The following PCDH7 variants were observed in gnomAD, a reference collection of about 807,000 sequenced individuals.
PCDH7 encodes protocadherin 7.
A neutral mutation model predicts 58.9 loss-of-function variants in PCDH7; 17 were observed. That is an observed-to-expected ratio of 0.29 (90% confidence interval 0.20 to 0.43). PCDH7 has a LOEUF of 0.43. PCDH7 is among the 20% of genes least tolerant of loss of function. The pLI is 1.00. For missense variants in PCDH7, 1,274 were observed against 1,441.0 expected, an observed-to-expected ratio of 0.88 and a Z score of 1.88; for synonymous variants, 664 against 616.4, an observed-to-expected ratio of 1.08 and a Z score of -1.14.
chr4:31,142,635 G>A (rs1720403587), exon 4 of PCDH7: 2 of 1,367,652 alleles, frequency 1.5e-6, no homozygotes, highest in Non-Finnish European at 2.0e-6. Flanking sequence ...GAACGAGGAA[G>A]CCAGGAAAAG....
chr4:31,097,607 T>A (rs920285993), intron 3 of PCDH7, among the ~76,000 whole-genome samples: 3 of 30,732 alleles, frequency 9.8e-5, no homozygotes, highest in Non-Finnish European at 1.5e-4. Flanking sequence ...TATATATATA[T>A]ATATATATAT....
At chr4:30,770,886 A>G (rs943665560) in intron 1 of PCDH7, among the ~76,000 whole-genome samples, 8 of 152,190 alleles carry the variant, frequency 5.3e-5, no homozygotes, top group Non-Finnish European at 1.2e-4. Flanking sequence ...ATTTATTATG[A>G]AAGAAATTTT....
At chr4:30,993,375 C>T (rs1331997514) in intron 3 of PCDH7, among the ~76,000 whole-genome samples, 3 of 152,118 alleles carry the variant, frequency 2.0e-5, no homozygotes, top group Non-Finnish European at 1.5e-5. Context: ...TCCAAGATGT[C>T]GCCATGCTCC....
At chr4:30,964,245 T>A (rs1313227910) in intron 3 of PCDH7, among the ~76,000 whole-genome samples, 7 of 96,536 alleles carry the variant, frequency 7.3e-5, no homozygotes, top group South Asian at 8.0e-4. Flanking sequence ...TTTATTTATT[T>A]ATTTATTTTT....
In PCDH7 at chr4:30,830,631, C is replaced by T. The variant is rs776760885; in HGVS notation, c.71-89522C>T. On this transcript the variant is annotated intron_variant, in intron 1 of 3. Transcript: ENST00000509759. ...TCTTTCCTGCTCTGCAGTGCTAACA[C>T]TAATAATAATAATAGAAATCTTGGG... Among the ~76,000 whole-genome samples the T allele has an allele frequency of 4.1e-4, 63 of 151,930 alleles. 1 individual carries two copies. The highest frequency in any genetic ancestry group is 3.2e-3 in the Admixed American group (49 of 15,226).
intron 1 of PCDH7, chr4:30,776,153 T>C (rs1229173102): frequency 6.6e-6 from 1 of 152,208 alleles, no homozygotes; most frequent in Non-Finnish European, 1.5e-5. Context: ...ATATGATTAT[T>C]GTATGGAAAA....
At chr4:30,961,785 T>C (rs759759493) in intron 3 of PCDH7, among the ~76,000 whole-genome samples, 3 of 152,200 alleles carry the variant, frequency 2.0e-5, no homozygotes, top group Admixed American at 6.5e-5. Context: ...ACCACCTCAT[T>C]GTTTTTACTG....
chr4:31,126,627 T>A (rs6834969), intron 3 of PCDH7, among the ~76,000 whole-genome samples: 84,899 of 151,926 alleles, frequency 0.56, 27,148 homozygotes, highest in African/African-American at 0.87. Context: ...ATGTCCTGCC[T>A]TAGCAAATCT....
At position 31,067,200 on chromosome 4, in the gene PCDH7, G is replaced by A. The variant is rs115928338; in HGVS notation, c.*8-75273G>A. ...ACCTTAGGTCCATCTAAGTTTGGAA[G>A]AATTTGAACTTAGGGCCAGTGCCCA... On this transcript the variant is annotated intron_variant, in intron 3 of 3. Transcript: ENST00000509759. Among the ~76,000 whole-genome samples, 737 of 152,064 alleles carry A rather than the reference G, an allele frequency of 4.8e-3. 4 individuals are homozygous for A. Among genetic ancestry groups the A allele is most frequent in the African/African-American group, 0.016 (674 of 41,518 alleles).
intron 1 of PCDH7, among the ~76,000 whole-genome samples, chr4:30,914,042 C>A (rs1742101096): frequency 6.6e-6 from 1 of 152,080 alleles, no homozygotes; most frequent in Non-Finnish European, 1.5e-5. Flanking sequence ...AAAAGGCCAC[C>A]ATGTTCAGGC....
intron 1 of PCDH7, among the ~76,000 whole-genome samples, chr4:30,725,662 A>G (rs1271110005): frequency 9.9e-5 from 15 of 152,110 alleles, no homozygotes; most frequent in Non-Finnish European, 1.5e-5. Flanking sequence ...CTAATAAAAC[A>G]TTACGTATTT....
At chr4:31,144,759 G>A (rs187086253), downstream of PCDH7, 7 of 152,208 alleles carry the variant, frequency 4.6e-5, no homozygotes, top group African/African-American at 1.4e-4. Flanking sequence ...TTTTCATTTT[G>A]ATGTTAGTTT....
At chr4:31,137,305 G>A (rs753500625) in intron 3 of PCDH7, among the ~76,000 whole-genome samples, 4 of 152,200 alleles carry the variant, frequency 2.6e-5, no homozygotes, top group East Asian at 1.9e-4. Context: ...ATACCAGGCC[G>A]GGAGCAGAGG....
At chr4:31,070,279 G>A (rs1758439996) in intron 3 of PCDH7, among the ~76,000 whole-genome samples, 1 of 152,016 alleles carries the variant, frequency 6.6e-6, no homozygotes, top group African/African-American at 2.4e-5. Flanking sequence ...TCATTCAACA[G>A]TGTAATTTTT....
chr4:31,088,739 G>T (rs1712819617), intron 3 of PCDH7, among the ~76,000 whole-genome samples: 1 of 151,904 alleles, frequency 6.6e-6, no homozygotes, highest in African/African-American at 2.4e-5. Context: ...AAGTGCATCT[G>T]CTCTCTTAGA....
chr4:31,089,287 A>G (rs890264591), intron 3 of PCDH7, among the ~76,000 whole-genome samples: 5 of 152,084 alleles, frequency 3.3e-5, no homozygotes, highest in African/African-American at 9.7e-5. Context: ...AATATAATAT[A>G]TTTTAGGAAT....
chr4:30,959,264 C>T (rs1748157246), intron 3 of PCDH7, among the ~76,000 whole-genome samples: 1 of 150,172 alleles, frequency 6.7e-6, no homozygotes, highest in Non-Finnish European at 1.5e-5. Context: ...TTTTTTAAGC[C>T]AAACATTTAT....
intron 3 of PCDH7, among the ~76,000 whole-genome samples, chr4:31,076,589 A>T (rs1759011455): frequency 6.6e-6 from 1 of 152,218 alleles, no homozygotes. Context: ...ATTCAAACAA[A>T]CCAATTCTAA....
chr4:31,120,380 C>T (rs28568738), intron 3 of PCDH7, among the ~76,000 whole-genome samples: 44,269 of 143,462 alleles, frequency 0.31, 7,397 homozygotes, highest in African/African-American at 0.41. Context: ...CTTCCTCAAG[C>T]TTCCTCCATT....
Sources: allele counts gnomAD v4.1 joint callset (sites outside exome capture counted in the v4.1 genomes callset), GRCh38; gene constraint gnomAD v4.1.1; transcripts MANE v1.5; gene names NCBI Gene and HGNC (gene_info 2026-07-23, HGNC 2026-07-21).